CSMD1: variants seen among roughly 807,000 people sequenced by gnomAD.
CSMD1 encodes the protein CUB and sushi domain-containing protein 1.
CSMD1 carries 213 observed loss-of-function variants against 417.5 expected under a neutral mutation model. That is an observed-to-expected ratio of 0.51 (90% CI 0.46 to 0.57). The LOEUF (loss-of-function observed/expected upper bound fraction) is 0.57, where lower values mean the gene tolerates loss of function less well. Among genes scored for constraint, CSMD1 ranks in the 20% least tolerant of loss-of-function variants. CSMD1 has a pLI of 0.00. For missense variants in CSMD1, 6,923 were observed against 4,529.7 expected (o/e 1.53, Z -15.17); for synonymous variants, 2,862 against 1,736.8 (o/e 1.65, Z -16.11).
At chr8:4,298,727 A>C (rs1797817666) in intron 3 of CSMD1, among the ~76,000 whole-genome samples, 1 of 152,054 alleles carries the variant, frequency 6.6e-6, no homozygotes. Context: ...TTTTCTTCCA[A>C]CTAGATGTTA....
intron 5 of CSMD1, among the ~76,000 whole-genome samples, chr8:3,762,680 G>A (rs1388411815): frequency 6.6e-6 from 1 of 152,220 alleles, no homozygotes; most frequent in Non-Finnish European, 1.5e-5. Context: ...CTGGTGCCCA[G>A]AGAAAGAGAG....
At chr8:3,832,527 A>G (rs1429817802) in intron 5 of CSMD1, among the ~76,000 whole-genome samples, 1 of 152,192 alleles carries the variant, frequency 6.6e-6, no homozygotes, top group East Asian at 1.9e-4. Flanking sequence ...ATTTTAAACT[A>G]TTTTTGTCTT....
intron 10 of CSMD1, among the ~76,000 whole-genome samples, chr8:3,523,006 T>TATAC (rs1554453429): frequency 5.5e-4 from 62 of 113,392 alleles, no homozygotes; most frequent in African/African-American, 2.0e-3. Context: ...GATACATATA[T>TATAC]ACACACACCC....
At chr8:3,449,766 C>T (rs1815569229) in intron 12 of CSMD1, among the ~76,000 whole-genome samples, 1 of 152,178 alleles carries the variant, frequency 6.6e-6, no homozygotes, top group South Asian at 2.1e-4. Context: ...GATCCTCCCA[C>T]CTTGGCCTCC....
chr8:4,018,680 C>G (rs780138448), intron 4 of CSMD1, among the ~76,000 whole-genome samples: 1 of 152,188 alleles, frequency 6.6e-6, no homozygotes, highest in African/African-American at 2.4e-5. Flanking sequence ...ATTTGTTTCT[C>G]AATTTTAAGT....
chr8:4,400,629 G>C, intron 3 of CSMD1, among the ~76,000 whole-genome samples: 1 of 152,312 alleles, frequency 6.6e-6, no homozygotes, highest in Non-Finnish European at 1.5e-5. Context: ...AGACTGACCT[G>C]CAATCTTGAA....
In CSMD1 at chr8:3,107,737, C is replaced by T. The variant is rs757122240; in HGVS notation, c.6816G>A (p.Glu2272=). The part of the protein sequence containing the change: ...PAVPQAEMLT[E]DDDFEIGDFV... Reference sequence around the variant, plus strand: ...TATTACCTATTTCGAAATCATCATCCTCAGTAAGCATTTCTGCCTGTGGAA... The same window carrying T: ...TATTACCTATTTCGAAATCATCATCTTCAGTAAGCATTTCTGCCTGTGGAA... The change falls in exon 45 of 70, where the codon GAG becomes GAA. Residue 2272 remains glutamate, a synonymous_variant. Coordinates refer to ENST00000635120, the MANE Select transcript of CSMD1 (RefSeq NM_033225.6). 2.0e-5 allele frequency: 32 copies of T among 1,590,242 alleles called. No individual in the cohort carries two copies. The highest frequency in any genetic ancestry group is 1.1e-4 in the African/African-American group (8 of 73,428).
At chr8:3,858,848 T>C (rs1164134675) in intron 5 of CSMD1, among the ~76,000 whole-genome samples, 1 of 152,194 alleles carries the variant, frequency 6.6e-6, no homozygotes, top group East Asian at 1.9e-4. Flanking sequence ...CATTTTTGTT[T>C]CTGTAGAATG....
chr8:3,864,656 C>T (rs547277233), intron 5 of CSMD1, among the ~76,000 whole-genome samples: 1 of 152,036 alleles, frequency 6.6e-6, no homozygotes, highest in Admixed American at 6.6e-5. Context: ...GTGTGATGTT[C>T]CCCTGAAGAA....
chr8:3,276,781 T>A (rs1455713846), intron 26 of CSMD1, among the ~76,000 whole-genome samples: 2 of 152,206 alleles, frequency 1.3e-5, no homozygotes, highest in Non-Finnish European at 2.9e-5. Flanking sequence ...AAAGTCATAC[T>A]AATATTTTCA....
chr8:4,779,341 G>C (rs537299151), intron 1 of CSMD1, among the ~76,000 whole-genome samples: 1 of 152,022 alleles, frequency 6.6e-6, no homozygotes, highest in African/African-American at 2.4e-5. Context: ...AAACTAACTC[G>C]AACTGGCTCA....
chr8:3,950,151 G>A (rs949340960), intron 5 of CSMD1, among the ~76,000 whole-genome samples: 5 of 152,102 alleles, frequency 3.3e-5, no homozygotes, highest in East Asian at 1.9e-4. Context: ...TACACCAGCT[G>A]ACTTACAGAA....
intron 4 of CSMD1, among the ~76,000 whole-genome samples, chr8:4,015,384 G>C (rs182041466): frequency 1.3e-5 from 2 of 152,030 alleles, no homozygotes; most frequent in African/African-American, 2.4e-5. Context: ...TCTAGTAGCA[G>C]AATGCCTATG....
At chr8:3,509,819 G>GT (rs1471482840) in intron 10 of CSMD1, among the ~76,000 whole-genome samples, 1 of 152,046 alleles carries the variant, frequency 6.6e-6, no homozygotes, top group Non-Finnish European at 1.5e-5. Flanking sequence ...CACCAGCCAG[G>GT]TGTGAGGCTA....
At chr8:4,378,998 T>G (rs1181283613) in intron 3 of CSMD1, among the ~76,000 whole-genome samples, 1 of 152,182 alleles carries the variant, frequency 6.6e-6, no homozygotes, top group Non-Finnish European at 1.5e-5. Context: ...TCAGATGGAT[T>G]AAGAAAGTAG....
intron 4 of CSMD1, among the ~76,000 whole-genome samples, chr8:4,016,795 G>C (rs1428710937): frequency 6.6e-6 from 1 of 152,128 alleles, no homozygotes; most frequent in African/African-American, 2.4e-5. Flanking sequence ...GGGTTTTTTT[G>C]GTCGTTGTTT....
At chr8:4,580,678 G>A (rs769857942) in intron 2 of CSMD1, among the ~76,000 whole-genome samples, 4 of 152,038 alleles carry the variant, frequency 2.6e-5, no homozygotes, top group African/African-American at 7.2e-5. Context: ...AAAATGCACC[G>A]CGTCTTCCAA....
chr8:4,375,045 A>G (rs1802643966), intron 3 of CSMD1, among the ~76,000 whole-genome samples: 1 of 151,846 alleles, frequency 6.6e-6, no homozygotes, highest in African/African-American at 2.4e-5. Context: ...GTGAAGATTA[A>G]GAGGCTGTTA....
intron 28 of CSMD1, among the ~76,000 whole-genome samples, chr8:3,222,486 T>C (rs543911017): frequency 6.6e-6 from 1 of 151,426 alleles, no homozygotes; most frequent in African/African-American, 2.5e-5. Context: ...ATTTTTAAAA[T>C]TTTTTGTAGT....
Sources: allele counts gnomAD v4.1 joint callset (sites outside exome capture counted in the v4.1 genomes callset), GRCh38; gene constraint gnomAD v4.1.1; transcripts MANE v1.5; gene names NCBI Gene and HGNC (gene_info 2026-07-23, HGNC 2026-07-21).